Variants in FLCN observed in about 807,000 individuals in gnomAD.
FLCN encodes folliculin, also known as BHD skin lesion fibrofolliculoma protein.
A neutral mutation model predicts 62.5 loss-of-function variants in FLCN; 22 were observed. The ratio of observed to expected loss-of-function variants is 0.35; its 90% confidence interval spans 0.25 to 0.50. The LOEUF (loss-of-function observed/expected upper bound fraction) is 0.50. Ranked by LOEUF, FLCN falls within the 20% of genes least tolerant of loss-of-function variation. The probability of loss-of-function intolerance (pLI) is 0.97; values close to 1 mark genes in which losing one functional copy is unlikely to be tolerated. For missense variants in FLCN, 657 were observed against 778.0 expected (o/e 0.84, Z 1.85); for synonymous variants, 319 against 310.0 (o/e 1.03, Z -0.30).
rs141250189 is a variant in FLCN at position 17,217,090 on chromosome 17, C to A, written c.1155G>T (p.Gln385His). 94 of 1,613,276 alleles carry A rather than the reference C, an allele frequency of 5.8e-5. No homozygotes were observed. In the African/African-American group the frequency reaches 1.2e-3, roughly 20 times the overall value. The change falls in exon 10 of 14, where the codon CAG becomes CAT. Residue 385 changes from glutamine to histidine, a missense_variant. Physicochemically the swap from Gln to His is conservative, Grantham distance 24. Coordinates refer to ENST00000285071, the MANE Select transcript of FLCN (RefSeq NM_144997.7). ...IWKSRDVDLV[Q>H]SAFEVLRTML... ...TCACCCGAAGTACTTCAAAAGCTGA[C>A]TGGACGAGGTCCACGTCTCTGCTTT...
intron 6 of FLCN, 63 bp from the exon 7 acceptor site, chr17:17,222,724 C>T: frequency 1.2e-6 from 2 of 1,606,718 alleles, no homozygotes; most frequent in Admixed American, 1.7e-5. Context: ...CGGACCCCTA[C>T]TCGTTCACAG....
At chr17:17,227,857 G>T (rs751793942) in intron 4 of FLCN, 32 bp downstream of exon 4, 2 of 1,613,748 alleles carry the variant, frequency 1.2e-6, no homozygotes, top group African/African-American at 1.3e-5. Flanking sequence ...CTACTGCAGG[G>T]ATCACAAAAC....
At chr17:17,224,307 T>C in intron 5 of FLCN, 164 bp from the exon 6 acceptor site, 1 of 668,578 alleles carries the variant, frequency 1.5e-6, no homozygotes, top group Non-Finnish European at 2.6e-6. Flanking sequence ...TGTACTCTTC[T>C]GCTCCTGTGA....
intron 3 of FLCN, among the ~76,000 whole-genome samples, chr17:17,230,523 C>A (rs545755953): frequency 1.3e-5 from 2 of 151,314 alleles, no homozygotes; most frequent in African/African-American, 2.4e-5. Context: ...AAGTGAGACT[C>A]AGTCTCAAAA....
chr17:17,222,507 AAGG>A lies in FLCN; in HGVS notation c.770_772del (p.Ser257del), dbSNP rs2047122813. 2 of 1,614,222 alleles carry A rather than the reference AAGG, an allele frequency of 1.2e-6. No homozygotes were observed. The highest frequency in any genetic ancestry group is 2.2e-5 in the East Asian group (1 of 44,890). ...AAGCAGAGACGCCCGTTACCAGGCAAAGGAGGTGTGCAGGCACGCCCACAGGTT... is the reference window on the plus strand; with the variant it reads ...AAGCAGAGACGCCCGTTACCAGGCAAAGGTGTGCAGGCACGCCCACAGGTT... On this transcript the variant is annotated inframe_deletion, in exon 7 of 14. Transcript: ENST00000285071.
At chr17:17,230,346 C>T (rs1029347398) in intron 3 of FLCN, among the ~76,000 whole-genome samples, 7 of 152,020 alleles carry the variant, frequency 4.6e-5, no homozygotes, top group African/African-American at 9.7e-5. Flanking sequence ...GCCTGGCCGA[C>T]GCAGTGAAAC....
At chr17:17,230,431 T>G (rs2047385522) in intron 3 of FLCN, among the ~76,000 whole-genome samples, 1 of 151,934 alleles carries the variant, frequency 6.6e-6, no homozygotes, top group Non-Finnish European at 1.5e-5. Flanking sequence ...CTCAGGAGGC[T>G]GAGGCACGAG....
rs1442933976 is a variant in FLCN at position 17,234,536 on chromosome 17, C to T, written c.-227-1635G>A. 1.8e-4 allele frequency among the ~76,000 whole-genome samples: 27 copies of T among 150,372 alleles called. 1 individual carries two copies. The highest frequency in any genetic ancestry group is 3.0e-5 in the Non-Finnish European group (2 of 67,604). On this transcript the variant is annotated intron_variant, in intron 1 of 13. Coordinates refer to ENST00000285071, the MANE Select transcript of FLCN (RefSeq NM_144997.7). ...GGCCAAAACATGGGCTACTCTTATT[C>T]GTTTTTCCTTTTAATGAAAAGCACT...
intron 11 of FLCN, 51 bp from the exon 12 acceptor site, chr17:17,215,367 T>G: frequency 3.1e-6 from 5 of 1,611,562 alleles, no homozygotes; most frequent in Non-Finnish European, 4.2e-6. Context: ...GCTCCTCACC[T>G]CCCCTGCGCT....
At chr17:17,227,823 C>A in intron 4 of FLCN, 66 bp downstream of exon 4, 1 of 1,612,502 alleles carries the variant, frequency 6.2e-7, no homozygotes, top group South Asian at 1.1e-5. Context: ...CCACTGCTCT[C>A]AGGTCCTCCT....
rs1421444831 is a variant in FLCN at position 17,226,291 on chromosome 17, C to T, written c.281G>A (p.Gly94Glu). The T allele has an allele frequency of 6.2e-7, 1 of 1,614,044 alleles. No individual in the cohort carries two copies. Among genetic ancestry groups the T allele is most frequent in the Non-Finnish European group, 8.5e-7 (1 of 1,180,044 alleles). The change falls in exon 5 of 14, where the codon GGA (glycine) becomes GAA (glutamate). Residue 94 changes from glycine to glutamate, a missense_variant. Physicochemically the swap from Gly to Glu is moderately conservative, Grantham distance 98. Coordinates refer to ENST00000285071, the MANE Select transcript of FLCN (RefSeq NM_144997.7). ...GCRSLAAGHPGYISHDKETSI... is the reference protein window; with the variant it reads ...GCRSLAAGHPEYISHDKETSI... ...GGTCTCTTTATCATGGCTGATATAT[C>T]CCGGGTGCCCTGCAGCAAGTGACCG...
Position 17,215,084 on chromosome 17 carries a change from G to A in FLCN, c.1439C>T (p.Pro480Leu), listed in dbSNP as rs745720578. 2 of 1,614,050 alleles carry A rather than the reference G, an allele frequency of 1.2e-6. No individual in the cohort carries two copies. The highest frequency in any genetic ancestry group is 1.7e-6 in the Non-Finnish European group (2 of 1,179,994). The change falls in exon 13 of 14, where the codon CCC (proline) becomes CTC (leucine). Residue 480 changes from proline (P) to leucine (L), a missense_variant. Transcript: ENST00000285071. ...CGCTTCAATCTTATTCAGGATGGTG[G>A]GGCCCACTGGGGAGAAGGGCAGGGG... ...GSPVAADRVG[P>L]TILNKIEAAL...
intron 7 of FLCN, among the ~76,000 whole-genome samples, 153 bp downstream of exon 7, chr17:17,222,348 G>T (rs1395859713): frequency 6.6e-6 from 1 of 152,184 alleles, no homozygotes; most frequent in Non-Finnish European, 1.5e-5. Flanking sequence ...CCAGATCTGT[G>T]CTCACTGACA....
intron 1 of FLCN, chr17:17,235,486 C>G (rs748842358): frequency 6.6e-6 from 1 of 152,218 alleles, no homozygotes; most frequent in Non-Finnish European, 1.5e-5. Context: ...AGCAAAAGCA[C>G]TTGTCAGACG....
rs1567807684 is a variant in FLCN at position 17,215,232 on chromosome 17, T to A, written c.1385A>T (p.Lys462Met). The A allele has an allele frequency of 1.2e-6, 2 of 1,614,078 alleles. No homozygotes were observed. The highest frequency in any genetic ancestry group is 2.7e-5 in the African/African-American group (2 of 74,930). ...VGCEDDQSLSKYEFVVTSGSP... is the reference protein window; with the variant it reads ...VGCEDDQSLSMYEFVVTSGSP... ...CCCACTGGTCACCACAAACTCGTACTTGCTGAGAGACTGGTCATCCTCACA... is the reference window on the plus strand; with the variant it reads ...CCCACTGGTCACCACAAACTCGTACATGCTGAGAGACTGGTCATCCTCACA... The change falls in exon 12 of 14, where the codon AAG becomes ATG. Residue 462 changes from lysine to methionine, a missense_variant. Transcript: ENST00000285071.
intron 3 of FLCN, chr17:17,228,551 CAT>C (rs2047328988): frequency 3.9e-6 from 1 of 254,962 alleles, no homozygotes; most frequent in South Asian, 5.2e-5. Flanking sequence ...CCACCCAATA[CAT>C]ATCTGCTTGG....
chr17:17,236,012 C>T (rs535257534), intron 1 of FLCN: 1 of 152,366 alleles, frequency 6.6e-6, no homozygotes, highest in South Asian at 2.1e-4. Context: ...GGCCCTATTT[C>T]AACCCTACTT....
chr17:17,235,248 C>T, intron 1 of FLCN, among the ~76,000 whole-genome samples: 1 of 152,126 alleles, frequency 6.6e-6, no homozygotes, highest in East Asian at 1.9e-4. Context: ...CCATTGCACT[C>T]CAGCCTGGGC....
chr17:17,212,491 A>G lies in FLCN; in HGVS notation c.*1164T>C, dbSNP rs2046790494. On this transcript the variant is annotated 3_prime_UTR_variant, in exon 14 of 14. Transcript: ENST00000285071. ...CCATCTCTTTAAAAAAAAAAAAAAA[A>G]AAAAAAAAAAGGGCCAGGCACAGTG... 1 of 169,356 alleles carries G rather than the reference A, an allele frequency of 5.9e-6. No homozygotes were observed. The highest frequency in any genetic ancestry group is 1.1e-4 in the East Asian group (1 of 9,258). 10.5% of individuals were successfully genotyped at this position (169,356 alleles called of 1,614,324 possible).
Sources: allele counts gnomAD v4.1 joint callset (sites outside exome capture counted in the v4.1 genomes callset), GRCh38; gene constraint gnomAD v4.1.1; transcripts MANE v1.5; gene names NCBI Gene and HGNC (gene_info 2026-07-23, HGNC 2026-07-21).